SMYD4: variants seen among roughly 807,000 people sequenced by gnomAD.
The protein encoded by SMYD4 is protein-lysine N-methyltransferase SMYD4.
A neutral mutation model predicts 72.8 loss-of-function variants in SMYD4; 68 were observed. That is an observed-to-expected ratio of 0.93 (90% CI 0.77 to 1.14). SMYD4 has a LOEUF of 1.14. SMYD4 is among the 50% of genes most tolerant of loss of function. The pLI, the probability that SMYD4 is intolerant of heterozygous loss-of-function variation, is 0.00. For missense variants in SMYD4, 984 were observed against 1,003.7 expected, an observed-to-expected ratio of 0.98 and a Z score of 0.27; for synonymous variants, 407 against 388.6, an observed-to-expected ratio of 1.05 and a Z score of -0.56.
At chr17:1,810,792 G>A (rs1030378032) in intron 3 of SMYD4, among the ~76,000 whole-genome samples, 8 of 152,350 alleles carry the variant, frequency 5.3e-5, no homozygotes, top group African/African-American at 1.4e-4. Context: ...GGAGTATGCC[G>A]GCGGAAGAGC....
chr17:1,820,893 T>C lies in SMYD4; in HGVS notation c.134+6968A>G, dbSNP rs905042519. ...CCTATTTTTACCTAACAGGCATGCA[T>C]GTGGAGATCAGAAGTTTAAATCTTT... is the stretch of plus-strand genomic sequence containing the variant. On this transcript the variant is annotated intron_variant, in intron 2 of 10. Transcript: ENST00000305513. Among the ~76,000 whole-genome samples, 12 of 152,330 alleles carry C rather than the reference T, an allele frequency of 7.9e-5. No individual in the cohort carries two copies. The East Asian group carries it at 2.1e-3, about 27-fold the overall frequency.
At chr17:1,821,575 T>C (rs1910893985) in intron 2 of SMYD4, among the ~76,000 whole-genome samples, 1 of 151,940 alleles carries the variant, frequency 6.6e-6, no homozygotes, top group Non-Finnish European at 1.5e-5. Context: ...AGAGCAAAAT[T>C]ACATCTAAAA....
chr17:1,803,559 T>C (rs917563490), intron 4 of SMYD4, among the ~76,000 whole-genome samples: 4 of 152,136 alleles, frequency 2.6e-5, no homozygotes, highest in Non-Finnish European at 4.4e-5. Flanking sequence ...TGGCACGATC[T>C]CAGCTCACTG....
intron 2 of SMYD4, among the ~76,000 whole-genome samples, chr17:1,817,151 C>T (rs544876653): frequency 4.6e-5 from 7 of 151,892 alleles, no homozygotes; most frequent in Non-Finnish European, 1.0e-4. Context: ...GATTCTCCTG[C>T]CTCAGCCTCC....
At chr17:1,781,479 G>C (rs535633816) in intron 10 of SMYD4, 40 bp from the exon 11 acceptor site, 3 of 1,596,352 alleles carry the variant, frequency 1.9e-6, no homozygotes, top group Non-Finnish European at 2.6e-6. Flanking sequence ...TCACTGATTT[G>C]TGAGGCAAAT....
At position 1,785,768 on chromosome 17, in the gene SMYD4, A is replaced by AAAAAAAAAAAAAAG. The variant is rs1555574281; in HGVS notation, c.1884+1041_1884+1042insCTTTTTTTTTTTTT. Among the ~76,000 whole-genome samples the AAAAAAAAAAAAAAG allele has an allele frequency of 5.4e-4, 8 of 14,868 alleles. 1 individual carries two copies. Among genetic ancestry groups the AAAAAAAAAAAAAAG allele is most frequent in the African/African-American group, 1.7e-3 (8 of 4,810 alleles). The allele number at this position is 14,868 out of a possible 152,430, so 9.8% of individuals were successfully genotyped here. A position where few individuals can be genotyped will look rare whatever the true frequency, so the allele number is the denominator to read the frequency against. On this transcript the variant is annotated intron_variant, in intron 7 of 10. Coordinates refer to ENST00000305513, the MANE Select transcript of SMYD4 (RefSeq NM_052928.3). Reference sequence around the variant, plus strand: ...GACAGGGCAAGACCCCATCTCAAAAAAAAAAAAGAAAAAAAAAAAAACTAA... The same window carrying AAAAAAAAAAAAAAG: ...GACAGGGCAAGACCCCATCTCAAAAAAAAAAAAAAAAAAGAAAAAAAGAAAAAAAAAAAAACTAA...
chr17:1,802,866 T>G (rs1381405830), intron 4 of SMYD4, among the ~76,000 whole-genome samples: 2 of 152,158 alleles, frequency 1.3e-5, no homozygotes, highest in African/African-American at 4.8e-5. Flanking sequence ...AAAACTCAAC[T>G]GACACGGCTG....
rs569936735 is a variant in SMYD4 at position 1,804,065 on chromosome 17, T to G, written c.369+561A>C. Among the ~76,000 whole-genome samples the G allele has an allele frequency of 8.6e-4, 130 of 150,858 alleles. 1 individual carries two copies. The highest frequency in any genetic ancestry group is 3.0e-3 in the African/African-American group (122 of 40,974). Reference sequence around the variant, plus strand: ...TCATTTTTTGTATTTTTAGTAGAGATGGGGTTTCACCATTTTGGCCAGGAT... The same window carrying G: ...TCATTTTTTGTATTTTTAGTAGAGAGGGGGTTTCACCATTTTGGCCAGGAT... On this transcript the variant is annotated intron_variant, in intron 4 of 10. Transcript: ENST00000305513.
intron 5 of SMYD4, among the ~76,000 whole-genome samples, chr17:1,796,287 C>G (rs1247249462): frequency 6.9e-6 from 1 of 145,444 alleles, no homozygotes; most frequent in African/African-American, 2.6e-5. Context: ...GCACATGCCA[C>G]CATGCCTGGC....
At chr17:1,805,465 C>T (rs1245883724) in intron 3 of SMYD4, among the ~76,000 whole-genome samples, 2 of 151,928 alleles carry the variant, frequency 1.3e-5, no homozygotes, top group African/African-American at 4.8e-5. Context: ...TAATAATAAC[C>T]ATAAATATGG....
intron 3 of SMYD4, among the ~76,000 whole-genome samples, chr17:1,808,646 T>C (rs1358339192): frequency 1.3e-5 from 2 of 152,166 alleles, no homozygotes. Flanking sequence ...CTTCATGAAA[T>C]AGGAAGGCTC....
chr17:1,806,701 T>C (rs1910051472), intron 3 of SMYD4, among the ~76,000 whole-genome samples: 1 of 152,154 alleles, frequency 6.6e-6, no homozygotes, highest in Non-Finnish European at 1.5e-5. Context: ...CATTATGCTG[T>C]TAGTGAGGGT....
At chr17:1,787,216 G>A (rs1435163516) in intron 6 of SMYD4, among the ~76,000 whole-genome samples, 2 of 152,204 alleles carry the variant, frequency 1.3e-5, no homozygotes, top group Admixed American at 6.5e-5. Flanking sequence ...ATTAAACAGC[G>A]AGACATAGTT....
At chr17:1,829,287 A>C (rs1465581009) in intron 1 of SMYD4, 1 of 152,368 alleles carries the variant, frequency 6.6e-6, no homozygotes, top group African/African-American at 2.4e-5. Flanking sequence ...CCGGCTTGCC[A>C]GGCTATTTCA....
At chr17:1,781,640 G>T (rs557027544) in intron 10 of SMYD4, 1 of 429,760 alleles carries the variant, frequency 2.3e-6, no homozygotes, top group Non-Finnish European at 3.9e-6. Flanking sequence ...TAGTATAGAC[G>T]CCAGGATCCT....
At position 1,795,837 on chromosome 17, in the gene SMYD4, G is replaced by C. The variant is rs137952874; in HGVS notation, c.1537+4020C>G. ...AATTTAATAGTATAATGGTACCACT[G>C]TGTGAATAAGTGTTTTTAATGTTAA... On this transcript the variant is annotated intron_variant, in intron 5 of 10. Transcript: ENST00000305513. Among the ~76,000 whole-genome samples, 15 of 149,946 alleles carry C rather than the reference G, an allele frequency of 1.0e-4. No individual in the cohort carries two copies. In the East Asian group the frequency reaches 2.9e-3, roughly 29 times the overall value.
chr17:1,812,751 G>A (rs1910399102), intron 2 of SMYD4, among the ~76,000 whole-genome samples: 1 of 151,840 alleles, frequency 6.6e-6, no homozygotes, highest in East Asian at 1.9e-4. Context: ...ATTTCACCAT[G>A]TTAGCCAGGC....
intron 5 of SMYD4, among the ~76,000 whole-genome samples, chr17:1,788,546 C>A (rs1908828995): frequency 6.6e-6 from 1 of 151,588 alleles, no homozygotes; most frequent in Non-Finnish European, 1.5e-5. Context: ...GAGATCGAGA[C>A]CATCCTGACT....
Position 1,795,226 on chromosome 17 carries a change from C to T in SMYD4, c.1537+4631G>A, listed in dbSNP as rs373294405. On this transcript the variant is annotated intron_variant, in intron 5 of 10. Transcript: ENST00000305513. ...CTTGCTATGTTGCCCAGGCTGGTCT[C>T]GAACTCCAGGGCTCAAGTGTTCCTC... is the stretch of plus-strand genomic sequence containing the variant. Among the ~76,000 whole-genome samples, 70 of 152,008 alleles carry T rather than the reference C, an allele frequency of 4.6e-4. No individual in the cohort carries two copies. In the South Asian group the frequency reaches 0.012, roughly 26 times the overall value.
Sources: gnomAD v4.1 joint callset for allele counts (sites outside exome capture counted in the v4.1 genomes callset) on GRCh38, gnomAD v4.1.1 for gene constraint, MANE v1.5 for transcripts, NCBI Gene and HGNC (gene_info 2026-07-23, HGNC 2026-07-21) for gene names.